Variants in ZC4H2 observed in about 807,000 individuals in gnomAD.
ZC4H2 encodes zinc finger C4H2-type containing.
For missense variants in ZC4H2, 137 were observed against 173.9 expected (o/e 0.79, Z 1.19); for synonymous variants, 84 against 66.3 (o/e 1.27, Z -1.30).
rs749110427 is a variant in ZC4H2, at chrX:64,920,227, C to T, written c.252G>A (p.Glu84=). The T allele has an allele frequency of 2.5e-6, 3 of 1,210,676 alleles. No homozygotes were observed. The highest frequency in any genetic ancestry group is 3.4e-6 in the Non-Finnish European group (3 of 895,107). ...NVMENTIKQS[E]NDLNKLLEST... The stretch of plus-strand genomic sequence containing the variant: ...ACTCTAGCAGCTTGTTTAGGTCATT[C>T]TCAGATTGTTTGATAGTGTTTTCCA... Residue 84 remains glutamate (E), a synonymous_variant, in exon 3 of 5, where the codon GAG becomes GAA. Transcript: ENST00000374839.
chrX:65,034,453 T>C (rs1318145584), intron 1 of ZC4H2, among the ~76,000 whole-genome samples: 1 of 111,173 alleles, frequency 9.0e-6, no homozygotes, highest in Non-Finnish European at 1.9e-5. Flanking sequence ...CGTAGGCAAA[T>C]AAAATAAAAA....
At chrX:65,009,659 A>G (rs1932727764) in intron 1 of ZC4H2, among the ~76,000 whole-genome samples, 1 of 112,074 alleles carries the variant, frequency 8.9e-6, no homozygotes, top group African/African-American at 3.2e-5. Context: ...TGTATTATGA[A>G]AGATTCAGGT....
chrX:64,992,020 G>T (rs1239386903), intron 1 of ZC4H2, among the ~76,000 whole-genome samples: 1 of 111,052 alleles, frequency 9.0e-6, no homozygotes, highest in East Asian at 2.8e-4. Context: ...GCTGCAGGGA[G>T]GAAAAAATGG....
At chrX:64,987,889 C>A (rs1198859534) in intron 1 of ZC4H2, among the ~76,000 whole-genome samples, 1 of 69,868 alleles carries the variant, frequency 1.4e-5, no homozygotes, top group African/African-American at 5.6e-5. Flanking sequence ...CCCCCCTCCC[C>A]CCACCCCACA....
At chrX:64,985,633 A>G (rs184215652) in intron 1 of ZC4H2, among the ~76,000 whole-genome samples, 1 of 111,634 alleles carries the variant, frequency 9.0e-6, no homozygotes, top group Admixed American at 9.5e-5. Context: ...CTGTGTTATA[A>G]TGGAGGAGTG....
chrX:64,997,250 T>C (rs1373720569), intron 1 of ZC4H2, among the ~76,000 whole-genome samples: 1 of 112,141 alleles, frequency 8.9e-6, no homozygotes, highest in Non-Finnish European at 1.9e-5. Context: ...TTGACAAAAC[T>C]ATACTTTAAG....
chrX:65,020,348 C>T (rs750675641), intron 1 of ZC4H2, among the ~76,000 whole-genome samples: 1 of 111,755 alleles, frequency 8.9e-6, no homozygotes, highest in African/African-American at 3.3e-5. Flanking sequence ...TCAGTGGAAA[C>T]CCTAGAAGCC....
At chrX:64,950,913 G>A (rs1046477359) in intron 1 of ZC4H2, among the ~76,000 whole-genome samples, 5 of 110,154 alleles carry the variant, frequency 4.5e-5, no homozygotes, top group Admixed American at 9.7e-5. Context: ...CCATTAACTC[G>A]TCATTTAGCA....
intron 1 of ZC4H2, among the ~76,000 whole-genome samples, chrX:64,988,407 A>T (rs898929020): frequency 9.0e-6 from 1 of 110,999 alleles, no homozygotes; most frequent in African/African-American, 3.3e-5. Flanking sequence ...TTGTTTCCTG[A>T]CTTTTTAATG....
At chrX:64,955,328 A>G (rs1394640718) in intron 1 of ZC4H2, among the ~76,000 whole-genome samples, 2 of 111,720 alleles carry the variant, frequency 1.8e-5, no homozygotes, top group African/African-American at 3.3e-5. Context: ...CTGTTATAAC[A>G]GTAGATTATT....
intron 1 of ZC4H2, among the ~76,000 whole-genome samples, chrX:65,003,086 G>A (rs1932580154): frequency 1.0e-5 from 1 of 100,478 alleles, no homozygotes; most frequent in African/African-American, 3.8e-5. Flanking sequence ...TGCAATATTT[G>A]GGATATATTT....
At chrX:64,946,288 T>C (rs980545324) in intron 1 of ZC4H2, among the ~76,000 whole-genome samples, 1 of 111,273 alleles carries the variant, frequency 9.0e-6, no homozygotes, top group Non-Finnish European at 1.9e-5. Context: ...GCAAAAACCA[T>C]AAGAAAAGCG....
chrX:64,958,741 C>T (rs896348919), intron 1 of ZC4H2, among the ~76,000 whole-genome samples: 1 of 111,223 alleles, frequency 9.0e-6, no homozygotes, highest in Non-Finnish European at 1.9e-5. Context: ...ATTTGCTCAG[C>T]AGGATGGCTA....
intron 1 of ZC4H2, among the ~76,000 whole-genome samples, chrX:64,972,723 G>C (rs1273140388): frequency 9.0e-6 from 1 of 111,476 alleles, no homozygotes; most frequent in African/African-American, 3.3e-5. Context: ...GATTTCCTTT[G>C]GGAAGACTAA....
At chrX:64,997,239 T>C (rs1465557210) in intron 1 of ZC4H2, among the ~76,000 whole-genome samples, 1 of 112,197 alleles carries the variant, frequency 8.9e-6, no homozygotes, top group East Asian at 2.8e-4. Flanking sequence ...GAATTTTATA[T>C]TTGACAAAAC....
intron 1 of ZC4H2, among the ~76,000 whole-genome samples, chrX:64,984,293 G>C (rs757991761): frequency 8.9e-6 from 1 of 112,131 alleles, no homozygotes; most frequent in Non-Finnish European, 1.9e-5. Flanking sequence ...AGAACAGAAG[G>C]TTTTCACAAT....
chrX:64,922,186 G>A (rs1416751025), intron 1 of ZC4H2, 198 bp from the exon 2 acceptor site: 6 of 971,257 alleles, frequency 6.2e-6, no homozygotes, highest in Non-Finnish European at 7.9e-6. Context: ...AGAGGCAGGA[G>A]GATCACTTGA....
chrX:64,988,394 C>T (rs1038922905), intron 1 of ZC4H2, among the ~76,000 whole-genome samples: 5 of 111,124 alleles, frequency 4.5e-5, no homozygotes, highest in Non-Finnish European at 9.4e-5. Context: ...TTTCCAGCAC[C>T]TGTTGTTTCC....
At chrX:64,966,230 A>G (rs1931587387) in intron 1 of ZC4H2, among the ~76,000 whole-genome samples, 1 of 112,098 alleles carries the variant, frequency 8.9e-6, no homozygotes, top group Non-Finnish European at 1.9e-5. Flanking sequence ...AGGAATATGC[A>G]AGTTAAAACT....
Sources: allele counts gnomAD v4.1 joint callset (sites outside exome capture counted in the v4.1 genomes callset), GRCh38; gene constraint gnomAD v4.1.1; transcripts MANE v1.5; gene names NCBI Gene and HGNC (gene_info 2026-07-23, HGNC 2026-07-21).